YWHAE: variants seen among roughly 807,000 people sequenced by gnomAD.
YWHAE encodes the protein 14-3-3 protein epsilon.
YWHAE carries 4 observed loss-of-function variants against 30.1 expected under a neutral mutation model. The ratio of observed to expected loss-of-function variants is 0.13; its 90% confidence interval spans 0.07 to 0.30. YWHAE has a LOEUF of 0.30. Ranked by LOEUF, YWHAE falls within the 10% of genes least tolerant of loss-of-function variation. YWHAE has a pLI of 1.00. For missense variants in YWHAE, 121 were observed against 315.9 expected (o/e 0.38, Z 4.68); for synonymous variants, 118 against 111.8 (o/e 1.06, Z -0.35).
chr17:1,347,482 C>CA (rs1195939137), intron 5 of YWHAE, among the ~76,000 whole-genome samples: 2 of 151,382 alleles, frequency 1.3e-5, no homozygotes, highest in Non-Finnish European at 2.9e-5. Context: ...AACTCCGTCT[C>CA]AAAAAAATGT....
chr17:1,381,910 CAAAAAAAAAAA>C (rs397754278), intron 1 of YWHAE, among the ~76,000 whole-genome samples: 10 of 43,932 alleles, frequency 2.3e-4, no homozygotes, highest in South Asian at 1.7e-3. Context: ...GACACTATGT[CAAAAAAAAAAA>C]AAAAAAAAAA....
intron 4 of YWHAE, among the ~76,000 whole-genome samples, chr17:1,358,326 GC>G (rs1266654528): frequency 4.6e-5 from 7 of 151,962 alleles, no homozygotes; most frequent in African/African-American, 1.4e-4. Flanking sequence ...TGCAAGTTCC[GC>G]CTCCCAGGTT....
At chr17:1,369,578 C>G (rs1282935599) in intron 1 of YWHAE, 1 of 152,144 alleles carries the variant, frequency 6.6e-6, no homozygotes, top group African/African-American at 2.4e-5. Context: ...ATTTTCATCA[C>G]TTCAAAAAGA....
chr17:1,376,420 A>C (rs2150864387), intron 1 of YWHAE, among the ~76,000 whole-genome samples: 1 of 151,864 alleles, frequency 6.6e-6, no homozygotes, highest in African/African-American at 2.4e-5. Context: ...AAAGAAAAGA[A>C]GGAAAGAAGT....
chr17:1,363,439 T>TATA (rs1181963730), intron 2 of YWHAE, among the ~76,000 whole-genome samples: 2 of 152,090 alleles, frequency 1.3e-5, no homozygotes, highest in African/African-American at 4.8e-5. Context: ...CTAATTTTTG[T>TATA]ATTTTTAGTG....
intron 1 of YWHAE, among the ~76,000 whole-genome samples, chr17:1,379,867 T>G (rs145389878): frequency 7.9e-5 from 12 of 152,344 alleles, no homozygotes; most frequent in African/African-American, 2.9e-4. Context: ...AAATTATACT[T>G]TGTGTTCAGT....
intron 5 of YWHAE, 82 bp downstream of exon 5, chr17:1,354,129 G>A (rs1454477187): frequency 1.1e-5 from 17 of 1,510,460 alleles, no homozygotes; most frequent in African/African-American, 4.2e-5. Context: ...TTGATATAAC[G>A]ACAAGCCAAG....
chr17:1,355,351 G>A (rs886117425), intron 4 of YWHAE, among the ~76,000 whole-genome samples: 1 of 150,786 alleles, frequency 6.6e-6, no homozygotes, highest in South Asian at 2.1e-4. Context: ...AGCAGAGGCA[G>A]GGTTTCACCG....
chr17:1,362,980 C>T (rs1049697008), intron 2 of YWHAE, among the ~76,000 whole-genome samples: 1 of 152,108 alleles, frequency 6.6e-6, no homozygotes, highest in Non-Finnish European at 1.5e-5. Flanking sequence ...TTTTTGTCAT[C>T]AATAGATCTC....
rs560759244 is a variant in YWHAE at position 1,398,581 on chromosome 17, C to G, written c.64+1466G>C. 2.6e-5 allele frequency among the ~76,000 whole-genome samples: 4 copies of G among 152,202 alleles called. No individual in the cohort carries two copies. In the East Asian group the frequency reaches 7.7e-4, roughly 29 times the overall value. ...TAGGTATTTTAATTAGGAAAAAAAT[C>G]TAAGAATCAAAGATACTTGATTCCA... On this transcript the variant is annotated intron_variant, in intron 1 of 5. Coordinates refer to ENST00000264335, the MANE Select transcript of YWHAE (RefSeq NM_006761.5).
intron 5 of YWHAE, among the ~76,000 whole-genome samples, chr17:1,353,393 G>C (rs1398444049): frequency 6.9e-6 from 1 of 143,998 alleles, no homozygotes; most frequent in Admixed American, 7.3e-5. Flanking sequence ...AGCCAAGATC[G>C]CGCCACTGCA....
In YWHAE at chr17:1,347,020, T is replaced by A. The variant is rs1280632354; in HGVS notation, c.716-1521A>T. ...AAAAAAAAAAAAGAATAAATAAAAC[T>A]AAAAGTAAAAAACTATGTATGCTGG... On this transcript the variant is annotated intron_variant, in intron 5 of 5. Transcript: ENST00000264335. Among the ~76,000 whole-genome samples the A allele has an allele frequency of 1.2e-3, 173 of 139,272 alleles. 2 individuals are homozygous for A. Among genetic ancestry groups the A allele is most frequent in the African/African-American group, 4.4e-3 (163 of 37,086 alleles). The allele number at this position is 139,272 out of a possible 152,430, so 91.4% of individuals were successfully genotyped here. A position where few individuals can be genotyped will look rare whatever the true frequency, so the allele number is the denominator to read the frequency against.
At chr17:1,398,520 T>C (rs2073511203) in intron 1 of YWHAE, among the ~76,000 whole-genome samples, 1 of 152,128 alleles carries the variant, frequency 6.6e-6, no homozygotes, top group East Asian at 1.9e-4. Context: ...TAAATCCGCA[T>C]TTCGAGGAAA....
At chr17:1,386,566 G>A (rs2073302994) in intron 1 of YWHAE, among the ~76,000 whole-genome samples, 1 of 152,138 alleles carries the variant, frequency 6.6e-6, no homozygotes, top group Admixed American at 6.6e-5. Flanking sequence ...TTTGATTAAG[G>A]CTTTTCAAAA....
At chr17:1,371,689 TAAGTG>T (rs2094739273) in intron 1 of YWHAE, among the ~76,000 whole-genome samples, 2 of 148,946 alleles carry the variant, frequency 1.3e-5, no homozygotes, top group African/African-American at 2.6e-5. Context: ...TCTCTCTAGT[TAAGTG>T]AAGTCCTAGA....
chr17:1,354,550 T>C (rs893584621), intron 4 of YWHAE, among the ~76,000 whole-genome samples: 4 of 152,230 alleles, frequency 2.6e-5, no homozygotes, highest in Admixed American at 2.0e-4. Context: ...CTGCTACTGA[T>C]ATGCTATAAT....
At chr17:1,358,784 C>T (rs571271742) in intron 4 of YWHAE, among the ~76,000 whole-genome samples, 3 of 147,472 alleles carry the variant, frequency 2.0e-5, no homozygotes, top group East Asian at 4.0e-4. Context: ...GAGCTGCGAT[C>T]GCACCACTGT....
intron 1 of YWHAE, among the ~76,000 whole-genome samples, chr17:1,382,405 G>A (rs1044632655): frequency 2.4e-4 from 33 of 140,318 alleles, no homozygotes; most frequent in Non-Finnish European, 3.8e-4. Context: ...GTGCAGCAGC[G>A]CAATCTCAGC....
At chr17:1,370,588 G>A (rs117510670) in intron 1 of YWHAE, among the ~76,000 whole-genome samples, 12,777 of 151,846 alleles carry the variant, frequency 0.084, 866 homozygotes, top group Admixed American at 0.22. Context: ...GCGCCACCAC[G>A]CCCGGCTAAC....
Sources: gnomAD v4.1 joint callset for allele counts (sites outside exome capture counted in the v4.1 genomes callset) on GRCh38, gnomAD v4.1.1 for gene constraint, MANE v1.5 for transcripts, NCBI Gene and HGNC (gene_info 2026-07-23, HGNC 2026-07-21) for gene names.